Variants in ZNF385D observed in about 807,000 individuals in gnomAD.
ZNF385D encodes zinc finger protein 385D.
ZNF385D carries 15 observed loss-of-function variants against 35.8 expected under a neutral mutation model. The observed-to-expected ratio is 0.42, with a 90% CI of 0.28 to 0.64. The LOEUF (loss-of-function observed/expected upper bound fraction) is 0.64. Among genes scored for constraint, ZNF385D ranks in the 30% least tolerant of loss-of-function variants. The probability of loss-of-function intolerance (pLI) is 0.23; values close to 1 mark genes in which losing one functional copy is unlikely to be tolerated. For synonymous variants in ZNF385D, 212 were observed against 186.8 expected, an observed-to-expected ratio of 1.13 and a Z score of -1.10; for missense variants, 474 against 494.6, an observed-to-expected ratio of 0.96 and a Z score of 0.39.
chr3:21,938,504 C>G (rs949137486), intron 3 of ZNF385D, among the ~76,000 whole-genome samples: 3 of 152,198 alleles, frequency 2.0e-5, no homozygotes, highest in African/African-American at 7.2e-5. Flanking sequence ...GACAATGACT[C>G]CACATATACT....
chr3:21,526,087 C>G (rs1247033979), intron 3 of ZNF385D, among the ~76,000 whole-genome samples: 1 of 152,084 alleles, frequency 6.6e-6, no homozygotes, highest in Non-Finnish European at 1.5e-5. Context: ...ACTACATATT[C>G]AGCTGTAATT....
At chr3:21,684,530 A>G (rs1221428906) in intron 1 of ZNF385D, among the ~76,000 whole-genome samples, 1 of 150,570 alleles carries the variant, frequency 6.6e-6, no homozygotes, top group Non-Finnish European at 1.5e-5. Context: ...AAAATCTTTA[A>G]TAAGCCCAAA....
chr3:21,451,135 CAGTT>C (rs1217461060), intron 4 of ZNF385D, among the ~76,000 whole-genome samples: 1 of 151,992 alleles, frequency 6.6e-6, no homozygotes, highest in Non-Finnish European at 1.5e-5. Flanking sequence ...ATATTTTTAT[CAGTT>C]AGTCCAGATG....
intron 3 of ZNF385D, among the ~76,000 whole-genome samples, chr3:21,877,559 G>A (rs1485232755): frequency 2.6e-5 from 4 of 152,064 alleles, no homozygotes; most frequent in African/African-American, 9.7e-5. Context: ...AATTGATTCT[G>A]GAGAGCCTCG....
At chr3:21,772,426 A>C (rs1423481022) in intron 3 of ZNF385D, among the ~76,000 whole-genome samples, 1 of 151,982 alleles carries the variant, frequency 6.6e-6, no homozygotes, top group Non-Finnish European at 1.5e-5. Flanking sequence ...AAAGAACTTG[A>C]ATAAATATTT....
chr3:22,363,189 T>A (rs1245591634), intron 2 of ZNF385D, among the ~76,000 whole-genome samples: 1 of 56,564 alleles, frequency 1.8e-5, no homozygotes, highest in Non-Finnish European at 3.5e-5. Flanking sequence ...TACTGCCACC[T>A]TAGAGGTACT....
chr3:21,894,961 C>A (rs1699056492), intron 3 of ZNF385D, among the ~76,000 whole-genome samples: 1 of 151,948 alleles, frequency 6.6e-6, no homozygotes, highest in Non-Finnish European at 1.5e-5. Flanking sequence ...CACCACCCAG[C>A]AAAACACAGA....
intron 3 of ZNF385D, among the ~76,000 whole-genome samples, chr3:21,781,488 G>A (rs2071485932): frequency 6.6e-6 from 1 of 152,086 alleles, no homozygotes; most frequent in Non-Finnish European, 1.5e-5. Flanking sequence ...AAAGTCTTGA[G>A]TTCTCATACC....
chr3:21,421,880 G>A (rs1700755663), intron 7 of ZNF385D, among the ~76,000 whole-genome samples: 1 of 152,110 alleles, frequency 6.6e-6, no homozygotes, highest in African/African-American at 2.4e-5. Flanking sequence ...GTTACATAGA[G>A]AATGTTGTTT....
chr3:22,155,336 T>G (rs1421368798), intron 3 of ZNF385D, among the ~76,000 whole-genome samples: 1 of 152,096 alleles, frequency 6.6e-6, no homozygotes, highest in Non-Finnish European at 1.5e-5. Context: ...TGAAATGAAT[T>G]AAAATAGTCC....
chr3:21,797,633 T>C (rs913602682), intron 3 of ZNF385D, among the ~76,000 whole-genome samples: 1 of 152,202 alleles, frequency 6.6e-6, no homozygotes, highest in Admixed American at 6.5e-5. Flanking sequence ...TAAACTGTGG[T>C]ACATCCAGGC....
chr3:21,710,226 C>T (rs1420909062), intron 1 of ZNF385D, among the ~76,000 whole-genome samples: 2 of 152,132 alleles, frequency 1.3e-5, no homozygotes, highest in Non-Finnish European at 2.9e-5. Context: ...GTAGTGGTTA[C>T]ATAGACTGCA....
intron 2 of ZNF385D, among the ~76,000 whole-genome samples, chr3:22,176,912 A>G (rs981072371): frequency 1.3e-5 from 2 of 152,244 alleles, no homozygotes; most frequent in Non-Finnish European, 2.9e-5. Flanking sequence ...AATAGATCAG[A>G]TATGTCTTAA....
At chr3:22,172,037 T>C (rs943670673) in intron 2 of ZNF385D, among the ~76,000 whole-genome samples, 12 of 152,218 alleles carry the variant, frequency 7.9e-5, no homozygotes, top group African/African-American at 2.4e-4. Flanking sequence ...TTTGACATAT[T>C]TGAGTTCCAC....
chr3:21,839,624 C>G (rs1344757786), intron 3 of ZNF385D, among the ~76,000 whole-genome samples: 1 of 152,096 alleles, frequency 6.6e-6, no homozygotes, highest in Non-Finnish European at 1.5e-5. Context: ...AGATGTATTT[C>G]TTGCCCCACA....
At chr3:22,059,196 ACTGAGCATTAATT>A (rs1699567782) in intron 3 of ZNF385D, among the ~76,000 whole-genome samples, 4 of 152,164 alleles carry the variant, frequency 2.6e-5, no homozygotes, top group Non-Finnish European at 5.9e-5. Context: ...TCTGGTCAGG[ACTGAGCATTAATT>A]TAAAGACTTC....
chr3:21,627,762 C>G (rs374947331), intron 2 of ZNF385D, among the ~76,000 whole-genome samples: 6 of 152,046 alleles, frequency 3.9e-5, no homozygotes, highest in African/African-American at 1.4e-4. Flanking sequence ...CAGGAATTAT[C>G]TACTGTTCTG....
intron 3 of ZNF385D, among the ~76,000 whole-genome samples, chr3:21,773,922 T>G (rs2071183247): frequency 6.6e-6 from 1 of 151,978 alleles, no homozygotes; most frequent in Non-Finnish European, 1.5e-5. Context: ...TTACTGGGTG[T>G]ACACCCAAAG....
chr3:21,504,352 A>G (rs1575066551), intron 4 of ZNF385D, among the ~76,000 whole-genome samples: 2 of 152,098 alleles, frequency 1.3e-5, no homozygotes, highest in South Asian at 4.1e-4. Context: ...GCAATATCAC[A>G]GAATCCCCTG....
Sources: allele counts gnomAD v4.1 joint callset (sites outside exome capture counted in the v4.1 genomes callset), GRCh38; gene constraint gnomAD v4.1.1; transcripts MANE v1.5; gene names NCBI Gene and HGNC (gene_info 2026-07-23, HGNC 2026-07-21).